Variants in HNRNPC observed in about 807,000 individuals in gnomAD.
HNRNPC encodes heterogeneous nuclear ribonucleoproteins C1/C2.
HNRNPC carries 3 observed loss-of-function variants against 33.2 expected under a neutral mutation model. The ratio of observed to expected loss-of-function variants is 0.09; its 90% CI spans 0.04 to 0.23. The LOEUF is 0.23. HNRNPC is among the 10% of genes least tolerant of loss of function. HNRNPC has a pLI of 1.00. For synonymous variants in HNRNPC, 121 were observed against 126.7 expected (o/e 0.96, Z 0.30); for missense variants, 143 against 366.7 (o/e 0.39, Z 4.98).
chr14:21,218,232 G>A (rs764832495), intron 5 of HNRNPC, among the ~76,000 whole-genome samples: 1 of 152,214 alleles, frequency 6.6e-6, no homozygotes, highest in South Asian at 2.1e-4. Context: ...CCAAAGTGCT[G>A]CAATTACAGG....
chr14:21,256,781 T>C lies in HNRNPC; in HGVS notation c.-37+6530A>G, dbSNP rs541755479. Reference sequence around the variant, plus strand: ...GCGATTCTCATGCCTGTCTCTCAAGTAGCTGGGACTACAGACACTTGCCAC... The same window carrying C: ...GCGATTCTCATGCCTGTCTCTCAAGCAGCTGGGACTACAGACACTTGCCAC... On this transcript the variant is annotated intron_variant, in intron 2 of 8. Coordinates refer to ENST00000553300, the MANE Select transcript of HNRNPC (RefSeq NM_004500.4). Among the ~76,000 whole-genome samples, 12 of 152,164 alleles carry C rather than the reference T, an allele frequency of 7.9e-5. No homozygotes were observed. The South Asian group carries it at 1.0e-3, about 13-fold the overall frequency.
In HNRNPC at chr14:21,211,130, T is replaced by C. The variant is rs1322389210; in HGVS notation, c.*93A>G. 1.6e-6 allele frequency: 2 copies of C among 1,256,888 alleles called. No homozygotes were observed. The highest frequency in any genetic ancestry group is 2.9e-5 in the African/African-American group (2 of 67,846). The allele number at this position is 1,256,888 out of a possible 1,614,324, so 77.9% of individuals were successfully genotyped here. On this transcript the variant is annotated 3_prime_UTR_variant, in exon 9 of 9. Coordinates refer to ENST00000553300, the MANE Select transcript of HNRNPC (RefSeq NM_004500.4). ...GAGAACAGTGAGCATGTGCTGAAGA[T>C]ACTAGGGGAGAGGATCTGGTGAAAA... is the stretch of plus-strand genomic sequence containing the variant.
chr14:21,230,773 G>C (rs1168373098), intron 4 of HNRNPC: 2 of 531,150 alleles, frequency 3.8e-6, no homozygotes, highest in Non-Finnish European at 6.6e-6. Flanking sequence ...AAAAACCTCA[G>C]GGATTTTTAA....
At chr14:21,225,153 G>A (rs1893275474) in intron 5 of HNRNPC, among the ~76,000 whole-genome samples, 1 of 151,958 alleles carries the variant, frequency 6.6e-6, no homozygotes, top group Non-Finnish European at 1.5e-5. Flanking sequence ...AGGAACGATG[G>A]CTCACATCTG....
intron 2 of HNRNPC, among the ~76,000 whole-genome samples, chr14:21,252,093 A>G (rs903018179): frequency 6.6e-6 from 1 of 152,214 alleles, no homozygotes; most frequent in Non-Finnish European, 1.5e-5. Flanking sequence ...TTTATCACCA[A>G]TGAGTATAAC....
At chr14:21,211,712 T>C in intron 7 of HNRNPC, 98 bp downstream of exon 7, 2 of 1,412,026 alleles carry the variant, frequency 1.4e-6, no homozygotes, top group South Asian at 2.4e-5. Context: ...AAGTTTCATA[T>C]TACATTGCTT....
intron 2 of HNRNPC, among the ~76,000 whole-genome samples, chr14:21,238,408 T>C (rs1349054303): frequency 1.3e-5 from 2 of 152,160 alleles, no homozygotes; most frequent in African/African-American, 4.8e-5. Flanking sequence ...CATCAAAATA[T>C]CTTAAAATGT....
chr14:21,252,392 C>T (rs1209633294), intron 2 of HNRNPC, among the ~76,000 whole-genome samples: 2 of 152,172 alleles, frequency 1.3e-5, no homozygotes, highest in Non-Finnish European at 2.9e-5. Context: ...CTCACTGCAA[C>T]CTCTGCCTCC....
chr14:21,212,096 G>T, intron 6 of HNRNPC, 173 bp from the exon 7 acceptor site: 1 of 585,044 alleles, frequency 1.7e-6, no homozygotes, highest in Non-Finnish European at 3.0e-6. Context: ...AGCACGTTCT[G>T]TAATGGTTTT....
At chr14:21,231,791 T>A (rs537910553) in intron 3 of HNRNPC, among the ~76,000 whole-genome samples, 185 of 152,342 alleles carry the variant, frequency 1.2e-3, no homozygotes, top group Non-Finnish European at 2.2e-3. Flanking sequence ...GACTGTTCAC[T>A]CAGTTACTAT....
Position 21,210,946 on chromosome 14 carries a change from T to C in HNRNPC, c.*277A>G. ...TTTTGGAGACAGTTGATAAAAACCA[T>C]ACATCCTTTTTATTGTTAAGTCATA... On this transcript the variant is annotated 3_prime_UTR_variant, in exon 9 of 9. Coordinates refer to ENST00000553300, the MANE Select transcript of HNRNPC (RefSeq NM_004500.4). The C allele has an allele frequency of 2.2e-6, 1 of 458,660 alleles. No homozygotes were observed. The highest frequency in any genetic ancestry group is 3.7e-5 in the South Asian group (1 of 26,742). 28.4% of individuals were successfully genotyped at this position (458,660 alleles called of 1,614,324 possible).
chr14:21,230,850 A>T, intron 4 of HNRNPC, 147 bp downstream of exon 4: 1 of 832,388 alleles, frequency 1.2e-6, no homozygotes, highest in Non-Finnish European at 1.9e-6. Context: ...AACCTTATTT[A>T]TACACAGATA....
Position 21,212,955 on chromosome 14 carries a change from C to A in HNRNPC, c.523+5G>T, listed in dbSNP as rs751082583. 8.7e-6 allele frequency: 14 copies of A among 1,609,480 alleles called. No homozygotes were observed. Among genetic ancestry groups the A allele is most frequent in the Non-Finnish European group, 9.4e-6 (11 of 1,176,098 alleles). On this transcript the variant is annotated splice_donor_5th_base_variant and intron_variant, in intron 6 of 8. Transcript: ENST00000553300. Reference sequence around the variant, plus strand: ...ACCAAAATCACAAAATGAAATAATACATACACTTTCCAGACTTGGAAGATC... The same window carrying A: ...ACCAAAATCACAAAATGAAATAATAAATACACTTTCCAGACTTGGAAGATC...
chr14:21,241,956 A>G (rs1394907765), intron 2 of HNRNPC, among the ~76,000 whole-genome samples: 2 of 152,190 alleles, frequency 1.3e-5, no homozygotes, highest in African/African-American at 4.8e-5. Context: ...GACCTTGTAC[A>G]TCATGGTGGG....
intron 5 of HNRNPC, among the ~76,000 whole-genome samples, chr14:21,226,895 A>AG (rs71313496): frequency 5.9e-4 from 63 of 106,636 alleles, no homozygotes; most frequent in Admixed American, 1.7e-3. Context: ...AAAAAAAAAA[A>AG]GGGGGGGGGG....
chr14:21,220,072 CA>C (rs994821389), intron 5 of HNRNPC, among the ~76,000 whole-genome samples: 3 of 152,226 alleles, frequency 2.0e-5, no homozygotes, highest in Admixed American at 6.5e-5. Context: ...TTATCTTTCT[CA>C]GTAAGAGTGA....
chr14:21,219,297 G>A (rs1306898003), intron 5 of HNRNPC, among the ~76,000 whole-genome samples: 1 of 152,004 alleles, frequency 6.6e-6, no homozygotes, highest in Non-Finnish European at 1.5e-5. Flanking sequence ...TTTCTATCTT[G>A]GTTATAGTTA....
At chr14:21,228,297 C>CA (rs1893702094) in intron 5 of HNRNPC, among the ~76,000 whole-genome samples, 1 of 152,148 alleles carries the variant, frequency 6.6e-6, no homozygotes, top group Non-Finnish European at 1.5e-5. Context: ...GGTCTGATTG[C>CA]AAAAATTCAA....
chr14:21,254,178 C>T (rs1039744416), intron 2 of HNRNPC, among the ~76,000 whole-genome samples: 4 of 151,718 alleles, frequency 2.6e-5, no homozygotes, highest in African/African-American at 9.7e-5. Flanking sequence ...ATATGCACAA[C>T]TGTAGTTTTG....
Sources: allele counts gnomAD v4.1 joint callset (sites outside exome capture counted in the v4.1 genomes callset), GRCh38; gene constraint gnomAD v4.1.1; transcripts MANE v1.5; gene names NCBI Gene and HGNC (gene_info 2026-07-23, HGNC 2026-07-21).